SMARCC1: variants seen among roughly 807,000 people sequenced by gnomAD.
SMARCC1 encodes the protein SWI/SNF related BAF chromatin remodeling complex subunit C1.
SMARCC1 carries 43 observed loss-of-function variants against 147.4 expected under a neutral mutation model. The ratio of observed to expected loss-of-function variants is 0.29; its 90% CI spans 0.23 to 0.38. The LOEUF is 0.38. Among genes scored for constraint, SMARCC1 ranks in the 10% least tolerant of loss-of-function variants. The pLI is 1.00. For synonymous variants in SMARCC1, 495 were observed against 484.4 expected (o/e 1.02, Z -0.29); for missense variants, 1,119 against 1,381.1 (o/e 0.81, Z 3.01).
In SMARCC1 at chr3:47,710,625, A is replaced by G. The variant is rs2106798136; in HGVS notation, c.918+58T>C. 10 of 1,560,706 alleles carry G rather than the reference A, an allele frequency of 6.4e-6. No homozygotes were observed. The South Asian group carries it at 9.3e-5, about 15-fold the overall frequency. ...ATGACAGCTTACTGATGAAGATTTA[A>G]TAACATTTAGGCCAAGAAGACAGAC... On this transcript the variant is annotated intron_variant, in intron 9 of 27. Transcript: ENST00000254480.
chr3:47,638,765 T>A lies in SMARCC1; in HGVS notation c.2336A>T (p.Glu779Val). ...EPEKLEGAEE[E>V]KMEADPDGQQ... ...ACCATCAGGGTCGGCTTCCATTTTT[T>A]CCTCTTCAGCTCCTTCTACAAGTAA... The change falls in exon 22 of 28, where the codon GAA becomes GTA. Residue 779 changes from glutamate (E) to valine (V), a missense_variant. Around this residue, in one of 6 missense-constraint regions of SMARCC1, gnomAD observed 157 missense variants for 158.6 expected, o/e 0.99. Transcript: ENST00000254480. The A allele has an allele frequency of 2.5e-6, 4 of 1,613,142 alleles. No individual in the cohort carries two copies. The highest frequency in any genetic ancestry group is 3.4e-6 in the Non-Finnish European group (4 of 1,179,050).
At chr3:47,588,407 T>G (rs891558967) in intron 27 of SMARCC1, 101 bp from the exon 28 acceptor site, 6 of 1,091,402 alleles carry the variant, frequency 5.5e-6, no homozygotes, top group Non-Finnish European at 8.2e-6. Context: ...CTTTCCTTAG[T>G]GGCAGGCAAC....
intron 21 of SMARCC1, among the ~76,000 whole-genome samples, chr3:47,656,581 A>G (rs564596769): frequency 6.6e-6 from 1 of 152,244 alleles, no homozygotes; most frequent in South Asian, 2.1e-4. Flanking sequence ...CCAAGAAACA[A>G]AGAGACTGAA....
intron 19 of SMARCC1, chr3:47,663,857 T>C (rs1391418511): frequency 6.5e-7 from 1 of 1,547,228 alleles, no homozygotes; most frequent in Non-Finnish European, 8.9e-7. Context: ...GATGTGCACC[T>C]GGATCGCCGC....
intron 24 of SMARCC1, among the ~76,000 whole-genome samples, chr3:47,623,668 T>C (rs1034734908): frequency 6.6e-6 from 1 of 152,200 alleles, no homozygotes; most frequent in Non-Finnish European, 1.5e-5. Context: ...TACAATGTTA[T>C]ACAATTTATA....
rs753672169 is a variant in SMARCC1 at position 47,671,196 on chromosome 3, A to AAAAAAAAAAAAAAAAAAAAAAAC, written c.1840-480_1840-479insGTTTTTTTTTTTTTTTTTTTTTT. Among the ~76,000 whole-genome samples, 47 of 81,192 alleles carry AAAAAAAAAAAAAAAAAAAAAAAC rather than the reference A, an allele frequency of 5.8e-4. 4 individuals are homozygous for AAAAAAAAAAAAAAAAAAAAAAAC. Among genetic ancestry groups the AAAAAAAAAAAAAAAAAAAAAAAC allele is most frequent in the South Asian group, 1.5e-3 (3 of 2,016 alleles). 53.3% of individuals were successfully genotyped at this position (81,192 alleles called of 152,430 possible). A position where few individuals can be genotyped will look rare whatever the true frequency, so the allele number is the denominator to read the frequency against. ...CTCAAAAAAAAAAAAAAAAAAAAAA[A>AAAAAAAAAAAAAAAAAAAAAAAC]AACACACACAAAAACCAAAACCAAA... On this transcript the variant is annotated intron_variant, in intron 18 of 27. Coordinates refer to ENST00000254480, the MANE Select transcript of SMARCC1 (RefSeq NM_003074.4).
intron 11 of SMARCC1, among the ~76,000 whole-genome samples, chr3:47,693,848 A>C (rs2033818500): frequency 6.6e-6 from 1 of 152,134 alleles, no homozygotes; most frequent in Non-Finnish European, 1.5e-5. Flanking sequence ...TTTTTTATAG[A>C]AACATGGTTT....
intron 10 of SMARCC1, among the ~76,000 whole-genome samples, chr3:47,703,859 C>A (rs1043934013): frequency 2.3e-4 from 35 of 152,266 alleles, no homozygotes; most frequent in Non-Finnish European, 4.4e-5. Context: ...TGCAGTGGCG[C>A]GATCTCAGCT....
intron 22 of SMARCC1, among the ~76,000 whole-genome samples, chr3:47,638,237 C>A (rs1371757282): frequency 6.6e-6 from 1 of 152,088 alleles, no homozygotes; most frequent in Non-Finnish European, 1.5e-5. Context: ...GGACTACAGG[C>A]ACCCACCACC....
chr3:47,781,678 G>T lies in SMARCC1; in HGVS notation c.120C>A (p.Thr40=). 6.4e-7 allele frequency: 1 copy of T among 1,560,436 alleles called. No individual in the cohort carries two copies. Among genetic ancestry groups the T allele is most frequent in the Non-Finnish European group, 8.6e-7 (1 of 1,157,238 alleles). Residue 40 remains threonine, a synonymous_variant, in exon 1 of 28, where the codon ACC becomes ACA. Transcript: ENST00000254480. ...CCGTCTCCGGGCTCTCCCAAAACTT[G>T]GTGGCCGGGCCCCCATCCTTCCGTC... is the stretch of plus-strand genomic sequence containing the variant. ...VYRRKDGGPA[T]KFWESPETVS...
At chr3:47,645,287 TC>T (rs1029366806) in intron 21 of SMARCC1, among the ~76,000 whole-genome samples, 10 of 103,818 alleles carry the variant, frequency 9.6e-5, no homozygotes, top group African/African-American at 2.3e-4. Context: ...CGAGACCCTG[TC>T]CCCCCCACCA....
intron 2 of SMARCC1, among the ~76,000 whole-genome samples, chr3:47,770,983 T>A (rs557505552): frequency 6.6e-6 from 1 of 152,298 alleles, no homozygotes; most frequent in East Asian, 1.9e-4. Context: ...CAATCTCGGC[T>A]CACTGCAAGC....
At chr3:47,709,444 G>A (rs1559650973) in intron 9 of SMARCC1, among the ~76,000 whole-genome samples, 1 of 152,018 alleles carries the variant, frequency 6.6e-6, no homozygotes, top group Non-Finnish European at 1.5e-5. Flanking sequence ...CCAGCACTTT[G>A]AGAGGCCGAG....
intron 2 of SMARCC1, 85 bp from the exon 3 acceptor site, chr3:47,746,078 AATAT>A (rs1328676182): frequency 5.2e-5 from 43 of 820,640 alleles, no homozygotes; most frequent in Admixed American, 8.0e-5. Context: ...TATAAATTCA[AATAT>A]ATAAACAAAT....
intron 6 of SMARCC1, among the ~76,000 whole-genome samples, chr3:47,725,886 AC>A (rs1295295373): frequency 4.3e-5 from 6 of 139,692 alleles, no homozygotes; most frequent in Non-Finnish European, 7.8e-5. Context: ...ACATGGTGAA[AC>A]CCCGTCTCTA....
intron 6 of SMARCC1, among the ~76,000 whole-genome samples, chr3:47,726,492 C>T (rs1036194972): frequency 1.2e-4 from 18 of 152,262 alleles, no homozygotes; most frequent in African/African-American, 4.8e-5. Flanking sequence ...AGACGGTAAA[C>T]ATAAAATTTA....
intron 26 of SMARCC1, chr3:47,604,295 C>T (rs2032432468): frequency 2.2e-6 from 1 of 456,760 alleles, no homozygotes; most frequent in South Asian, 1.5e-5. Context: ...AAATTAACCA[C>T]TTGGTAATAA....
intron 5 of SMARCC1, among the ~76,000 whole-genome samples, chr3:47,733,614 C>T (rs1197972770): frequency 6.6e-6 from 1 of 151,584 alleles, no homozygotes; most frequent in Non-Finnish European, 1.5e-5. Flanking sequence ...GGGCCAGGTG[C>T]GGTGGCTCAT....
chr3:47,714,140 G>A (rs755023151), intron 8 of SMARCC1, among the ~76,000 whole-genome samples: 3 of 152,258 alleles, frequency 2.0e-5, no homozygotes, highest in East Asian at 3.9e-4. Context: ...GAGGCAGGCC[G>A]ATCACCCGAG....
Sources: allele counts gnomAD v4.1 joint callset (sites outside exome capture counted in the v4.1 genomes callset), GRCh38; gene constraint gnomAD v4.1.1; regional missense constraint gnomAD v4.1.1; transcripts MANE v1.5; gene names NCBI Gene and HGNC (gene_info 2026-07-23, HGNC 2026-07-21).